MAML3: variants seen among roughly 807,000 people sequenced by gnomAD.
MAML3 encodes the protein mastermind like transcriptional coactivator 3.
MAML3 carries 27 observed loss-of-function variants against 101.9 expected under a neutral mutation model. The observed-to-expected ratio is 0.27, with a 90% CI of 0.20 to 0.37. The LOEUF is 0.37. MAML3 is among the 10% of genes least tolerant of loss of function. MAML3 has a pLI of 1.00. For synonymous variants in MAML3, 501 were observed against 555.9 expected (o/e 0.90, Z 1.39); for missense variants, 1,316 against 1,444.9 (o/e 0.91, Z 1.45).
At chr4:140,096,578 C>A (rs1296937312) in intron 1 of MAML3, among the ~76,000 whole-genome samples, 1 of 152,038 alleles carries the variant, frequency 6.6e-6, no homozygotes, top group Admixed American at 6.6e-5. Flanking sequence ...TCAGTCACAG[C>A]AAGTTATTTG....
intron 1 of MAML3, among the ~76,000 whole-genome samples, chr4:139,933,589 A>G (rs919245441): frequency 8.5e-5 from 13 of 152,272 alleles, no homozygotes; most frequent in Admixed American, 2.0e-4. Context: ...CAAGGCCTAC[A>G]TCCTGGGAGT....
chr4:139,733,565 A>C (rs1259302190), intron 2 of MAML3, among the ~76,000 whole-genome samples: 1 of 152,034 alleles, frequency 6.6e-6, no homozygotes, highest in Non-Finnish European at 1.5e-5. Flanking sequence ...GTGAAAAAAA[A>C]AAAAAAAAAA....
chr4:139,738,110 G>A (rs1729015974), intron 2 of MAML3, among the ~76,000 whole-genome samples: 1 of 152,252 alleles, frequency 6.6e-6, no homozygotes, highest in Non-Finnish European at 1.5e-5. Flanking sequence ...CATGGGCCCA[G>A]TGACTGGCAC....
chr4:139,864,531 C>G (rs999373704), intron 2 of MAML3, among the ~76,000 whole-genome samples: 1 of 151,906 alleles, frequency 6.6e-6, no homozygotes, highest in Non-Finnish European at 1.5e-5. Context: ...CAAAAATTAG[C>G]TGGGTGTGGT....
intron 1 of MAML3, among the ~76,000 whole-genome samples, chr4:140,142,591 T>C (rs551436011): frequency 1.3e-5 from 2 of 152,334 alleles, no homozygotes; most frequent in South Asian, 4.1e-4. Flanking sequence ...AATATATCTA[T>C]TAAACCACAA....
At chr4:140,077,426 G>A (rs990022338) in intron 1 of MAML3, among the ~76,000 whole-genome samples, 1 of 152,090 alleles carries the variant, frequency 6.6e-6, no homozygotes, top group Non-Finnish European at 1.5e-5. Flanking sequence ...CACTCCACTG[G>A]GAAGGCCAAT....
At chr4:139,727,760 A>C (rs1728534910) in intron 3 of MAML3, among the ~76,000 whole-genome samples, 1 of 152,174 alleles carries the variant, frequency 6.6e-6, no homozygotes, top group African/African-American at 2.4e-5. Context: ...AATCATTTTA[A>C]AGTTTCCCAA....
chr4:139,820,650 T>G (rs1730957716), intron 2 of MAML3, among the ~76,000 whole-genome samples: 1 of 152,200 alleles, frequency 6.6e-6, no homozygotes, highest in South Asian at 2.1e-4. Flanking sequence ...TAGTTTTATA[T>G]TCTATCTTTT....
At chr4:139,996,594 T>C (rs1016176913) in intron 1 of MAML3, among the ~76,000 whole-genome samples, 1 of 152,146 alleles carries the variant, frequency 6.6e-6, no homozygotes, top group Non-Finnish European at 1.5e-5. Flanking sequence ...ATGATTAGTA[T>C]TTGCATAGCA....
chr4:139,878,767 C>T (rs548285073), intron 2 of MAML3, among the ~76,000 whole-genome samples: 14 of 152,286 alleles, frequency 9.2e-5, no homozygotes, highest in African/African-American at 1.4e-4. Flanking sequence ...CATCAGAACA[C>T]GGAACACAGG....
chr4:140,058,833 A>C (rs1727396946), intron 1 of MAML3, among the ~76,000 whole-genome samples: 1 of 152,182 alleles, frequency 6.6e-6, no homozygotes, highest in Admixed American at 6.5e-5. Context: ...TTGGCCCAAT[A>C]AGAAATCCAA....
chr4:140,106,150 G>T (rs1728349218), intron 1 of MAML3, among the ~76,000 whole-genome samples: 1 of 146,138 alleles, frequency 6.8e-6, no homozygotes, highest in Non-Finnish European at 1.5e-5. Flanking sequence ...AGCCCCTCCT[G>T]AGGCATCTAA....
At chr4:139,991,418 C>T (rs554468737) in intron 1 of MAML3, among the ~76,000 whole-genome samples, 4 of 152,152 alleles carry the variant, frequency 2.6e-5, no homozygotes, top group Non-Finnish European at 5.9e-5. Context: ...GGATTAAAGA[C>T]TTAAACATTA....
At chr4:139,959,509 G>A (rs552420472) in intron 1 of MAML3, among the ~76,000 whole-genome samples, 1 of 152,308 alleles carries the variant, frequency 6.6e-6, no homozygotes, top group South Asian at 2.1e-4. Flanking sequence ...GAGATTTCAG[G>A]TGTGCTCATG....
chr4:139,888,705 C>T (rs1732390009), intron 2 of MAML3: 1 of 516,718 alleles, frequency 1.9e-6, no homozygotes, highest in Non-Finnish European at 3.9e-6. Flanking sequence ...ATCACATTTT[C>T]CTGAAATAGA....
intron 1 of MAML3, among the ~76,000 whole-genome samples, chr4:140,048,053 T>C (rs1256768051): frequency 2.0e-5 from 3 of 152,194 alleles, no homozygotes; most frequent in African/African-American, 7.2e-5. Context: ...GAAGACATTT[T>C]AGTTTTGGTT....
intron 2 of MAML3, among the ~76,000 whole-genome samples, chr4:139,865,778 T>G (rs924931137): frequency 1.3e-5 from 2 of 152,236 alleles, no homozygotes; most frequent in African/African-American, 2.4e-5. Context: ...AGAGCCTGCT[T>G]GGGTCCTCCT....
intron 1 of MAML3, among the ~76,000 whole-genome samples, chr4:140,079,452 C>T (rs931713807): frequency 2.0e-5 from 3 of 152,126 alleles, no homozygotes; most frequent in Non-Finnish European, 4.4e-5. Flanking sequence ...CACCACCACA[C>T]TCTGCTAATT....
chr4:139,818,497 T>C (rs1488922880), intron 2 of MAML3, among the ~76,000 whole-genome samples: 1 of 152,248 alleles, frequency 6.6e-6, no homozygotes, highest in Non-Finnish European at 1.5e-5. Flanking sequence ...ATTGAGGTCA[T>C]ATCACAATTC....
Sources: allele counts gnomAD v4.1 joint callset (sites outside exome capture counted in the v4.1 genomes callset), GRCh38; gene constraint gnomAD v4.1.1; transcripts MANE v1.5; gene names NCBI Gene and HGNC (gene_info 2026-07-23, HGNC 2026-07-21).